Variants in CBFA2T3 observed in about 807,000 individuals in gnomAD.
CBFA2T3 encodes CBFA2/RUNX1 partner transcriptional co-repressor 3, also known as transcriptional corepressor CBFA2T3.
Under a neutral mutation model 58.6 loss-of-function variants are expected in CBFA2T3, and 31 were observed. The observed-to-expected ratio is 0.53, with a 90% CI of 0.40 to 0.71. The LOEUF is 0.71. Ranked by LOEUF, CBFA2T3 falls within the 30% of genes least tolerant of loss-of-function variation. The probability of loss-of-function intolerance (pLI) is 0.00; values close to 1 mark genes in which losing one functional copy is unlikely to be tolerated. For synonymous variants in CBFA2T3, 531 were observed against 421.9 expected (o/e 1.26, Z -3.17); for missense variants, 1,076 against 963.1 (o/e 1.12, Z -1.55).
chr16:88,951,675 C>T (rs1259044698), intron 1 of CBFA2T3, among the ~76,000 whole-genome samples: 2 of 151,858 alleles, frequency 1.3e-5, no homozygotes, highest in African/African-American at 2.4e-5. Flanking sequence ...CAGGCAGCCG[C>T]GGCCCCAGCG....
chr16:88,970,699 C>T (rs1597802083), intron 1 of CBFA2T3, among the ~76,000 whole-genome samples: 2 of 152,348 alleles, frequency 1.3e-5, no homozygotes, highest in South Asian at 4.1e-4. Flanking sequence ...AACTGAAGGA[C>T]CAGGAGCACG....
At chr16:88,887,705 C>T (rs1334908027) in intron 5 of CBFA2T3, among the ~76,000 whole-genome samples, 3 of 152,148 alleles carry the variant, frequency 2.0e-5, no homozygotes, top group African/African-American at 7.2e-5. Context: ...AGTGTCCCCA[C>T]TCTGTCCCCA....
chr16:88,927,779 T>C (rs1388759883), intron 1 of CBFA2T3, among the ~76,000 whole-genome samples: 1 of 152,158 alleles, frequency 6.6e-6, no homozygotes, highest in African/African-American at 2.4e-5. Flanking sequence ...GAGCCAACAC[T>C]GACCCGAAGA....
chr16:88,908,552 C>A (rs768495234), intron 1 of CBFA2T3, among the ~76,000 whole-genome samples: 69 of 152,296 alleles, frequency 4.5e-4, no homozygotes, highest in Non-Finnish European at 7.6e-4. Context: ...TCCATCACTT[C>A]CCCGTCCGTG....
rs201538710 is a variant in CBFA2T3 at position 88,891,922 on chromosome 16, G to C, written c.671C>G (p.Thr224Ser). The C allele has an allele frequency of 9.0e-5, 145 of 1,613,394 alleles. No homozygotes were observed. Among genetic ancestry groups the C allele is most frequent in the Non-Finnish European group, 1.0e-5 (12 of 1,179,930 alleles). The change falls in exon 5 of 12, where the codon ACC (threonine) becomes AGC (serine). Residue 224 changes from threonine (T) to serine (S), a missense_variant. Physicochemically the swap from Thr to Ser is moderately conservative, Grantham distance 58. Coordinates refer to ENST00000268679, the MANE Select transcript of CBFA2T3 (RefSeq NM_005187.6). Reference protein sequence around the residue: ...EEFHSKLQEATNFPLRPFVIP... With the variant: ...EEFHSKLQEASNFPLRPFVIP... ...GACAAACGGCCGCAGAGGGAAGTTGGTGGCCTCCTGAAGCTTGGAATGAAA... is the reference window on the plus strand; with the variant it reads ...GACAAACGGCCGCAGAGGGAAGTTGCTGGCCTCCTGAAGCTTGGAATGAAA...
chr16:88,881,442 G>C lies in CBFA2T3; in HGVS notation c.1251C>G (p.Leu417=), dbSNP rs1284611683. The change falls in exon 9 of 12, where the codon CTC becomes CTG. Residue 417 remains leucine, a synonymous_variant. Transcript: ENST00000268679. ...MDMVEKTRRS[L]TVLRRCQEAD... ...CCTCCTGGCACCTGCGCAGCACCGT[G>C]AGCGAGCGCCGCGTCTTCTCCACCA... 1 of 1,609,862 alleles carries C rather than the reference G, an allele frequency of 6.2e-7. No homozygotes were observed. Among genetic ancestry groups the C allele is most frequent in the Non-Finnish European group, 8.5e-7 (1 of 1,178,570 alleles).
rs368198169 is a variant in CBFA2T3, at chr16:88,882,782, C to T, written c.1118-21G>A. 122 of 1,477,334 alleles carry T rather than the reference C, an allele frequency of 8.3e-5. 1 individual carries two copies. The highest frequency in any genetic ancestry group is 1.7e-4 in the East Asian group (7 of 41,798). 91.5% of individuals were successfully genotyped at this position (1,477,334 alleles called of 1,614,324 possible). On this transcript the variant is annotated intron_variant, in intron 7 of 11. Coordinates refer to ENST00000268679, the MANE Select transcript of CBFA2T3 (RefSeq NM_005187.6). Reference sequence around the variant, plus strand: ...CACCACTGTGGATGGGGGAGGTGCACGCTTAGGTCCCACCCACAGCCAGTC... The same window carrying T: ...CACCACTGTGGATGGGGGAGGTGCATGCTTAGGTCCCACCCACAGCCAGTC...
chr16:88,946,486 T>A lies in CBFA2T3; in HGVS notation c.151+30171A>T, dbSNP rs534199239. Among the ~76,000 whole-genome samples the A allele has an allele frequency of 2.0e-5, 3 of 151,112 alleles. No homozygotes were observed. The East Asian group carries it at 5.9e-4, about 29-fold the overall frequency. On this transcript the variant is annotated intron_variant, in intron 1 of 11. Coordinates refer to ENST00000268679, the MANE Select transcript of CBFA2T3 (RefSeq NM_005187.6). The stretch of plus-strand genomic sequence containing the variant: ...AGGTTGAGTAGGGAGAGCAGAGAGG[T>A]TTGTTTGTTTTTGGAGGCAGAGTCT...
chr16:88,886,806 T>C (rs946918525), intron 5 of CBFA2T3: 2 of 152,340 alleles, frequency 1.3e-5, no homozygotes, highest in African/African-American at 4.8e-5. Context: ...CCAGCCTTGG[T>C]GAGGACGGCC....
intron 2 of CBFA2T3, among the ~76,000 whole-genome samples, chr16:88,900,493 G>A (rs1970054534): frequency 6.6e-6 from 1 of 152,238 alleles, no homozygotes; most frequent in Non-Finnish European, 1.5e-5. Context: ...GGACAGTCGT[G>A]ACGTAAAGGG....
chr16:88,921,861 G>A (rs1190574869), intron 1 of CBFA2T3, among the ~76,000 whole-genome samples: 2 of 152,210 alleles, frequency 1.3e-5, no homozygotes, highest in East Asian at 1.9e-4. Context: ...ACAGTTTCTC[G>A]TTCGCTTGCT....
chr16:88,911,313 G>A (rs1002944705), intron 1 of CBFA2T3, among the ~76,000 whole-genome samples: 6 of 152,366 alleles, frequency 3.9e-5, no homozygotes, highest in African/African-American at 9.6e-5. Context: ...AACCCAGTTC[G>A]CCTCCCGCGC....
chr16:88,927,710 G>A (rs939492569), intron 1 of CBFA2T3, among the ~76,000 whole-genome samples: 11 of 152,144 alleles, frequency 7.2e-5, no homozygotes, highest in African/African-American at 1.7e-4. Context: ...TCCCCCTTCC[G>A]CCTCCTCCTC....
chr16:88,920,002 G>A (rs1367587158), intron 1 of CBFA2T3, among the ~76,000 whole-genome samples: 3 of 152,280 alleles, frequency 2.0e-5, no homozygotes, highest in African/African-American at 7.2e-5. Context: ...GTGCCAGTCT[G>A]TAAACCAGCA....
Position 88,953,250 on chromosome 16 carries a change from C to T in CBFA2T3, c.151+23407G>A, listed in dbSNP as rs934628186. Among the ~76,000 whole-genome samples, 1 of 152,290 alleles carries T rather than the reference C, an allele frequency of 6.6e-6. No homozygotes were observed. Among genetic ancestry groups the T allele is most frequent in the Middle Eastern group, 3.4e-3 (1 of 294 alleles). Reference sequence around the variant, plus strand: ...GCTCCCGGTGGAGAGGCCGAGGGACCCTCATTTCTACGTTTGCATCCCTTT... The same window carrying T: ...GCTCCCGGTGGAGAGGCCGAGGGACTCTCATTTCTACGTTTGCATCCCTTT... On this transcript the variant is annotated intron_variant, in intron 1 of 11. Transcript: ENST00000268679. The surrounding 1 kb of genome is among the most constrained non-coding windows in gnomAD (Gnocchi z 4.9).
intron 1 of CBFA2T3, among the ~76,000 whole-genome samples, chr16:88,923,829 C>T (rs1971000535): frequency 6.6e-6 from 1 of 152,204 alleles, no homozygotes; most frequent in South Asian, 2.1e-4. Context: ...AATGCCGAAC[C>T]CACCCCCGAG....
At position 88,891,939 on chromosome 16, in the gene CBFA2T3, G is replaced by A. The variant is rs753553333; in HGVS notation, c.654C>T (p.Ser218=). Reference sequence around the variant, plus strand: ...GGAAGTTGGTGGCCTCCTGAAGCTTGGAATGAAACTCCTCGATCGTCAATG... The same window carrying A: ...GGAAGTTGGTGGCCTCCTGAAGCTTAGAATGAAACTCCTCGATCGTCAATG... ...NSTLTIEEFH[S]KLQEATNFPL... is the part of the protein sequence containing the mutation. Residue 218 remains serine, a synonymous_variant, in exon 5 of 12, where the codon TCC becomes TCT. Coordinates refer to ENST00000268679, the MANE Select transcript of CBFA2T3 (RefSeq NM_005187.6). 14 of 1,613,298 alleles carry A rather than the reference G, an allele frequency of 8.7e-6. No homozygotes were observed. Among genetic ancestry groups the A allele is most frequent in the African/African-American group, 1.3e-5 (1 of 74,912 alleles).
At chr16:88,969,596 G>A (rs1972598099) in intron 1 of CBFA2T3, among the ~76,000 whole-genome samples, 3 of 152,236 alleles carry the variant, frequency 2.0e-5, no homozygotes, top group Admixed American at 2.0e-4. Flanking sequence ...CCATGGTCGG[G>A]TCCAGCCACT....
At chr16:88,922,711 C>A (rs776136162) in intron 1 of CBFA2T3, among the ~76,000 whole-genome samples, 1 of 152,232 alleles carries the variant, frequency 6.6e-6, no homozygotes, top group Non-Finnish European at 1.5e-5. Context: ...AGCTTGCAGC[C>A]GTCGGAGGGT....
Sources: allele counts gnomAD v4.1 joint callset (sites outside exome capture counted in the v4.1 genomes callset), GRCh38; gene constraint gnomAD v4.1.1; non-coding constraint Gnocchi (gnomAD v3.1); transcripts MANE v1.5; gene names NCBI Gene and HGNC (gene_info 2026-07-23, HGNC 2026-07-21).